The following TUSC3 variants were observed in gnomAD, a reference collection of about 807,000 sequenced individuals.
The protein encoded by TUSC3 is dolichyl-diphosphooligosaccharide--protein glycosyltransferase subunit TUSC3.
TUSC3 carries 45 observed loss-of-function variants against 44.8 expected under a neutral mutation model. That is an observed-to-expected ratio of 1.00 (90% CI 0.79 to 1.29). TUSC3 has a LOEUF of 1.29. Ranked by LOEUF, TUSC3 falls within the 50% of genes most tolerant of loss-of-function variation. TUSC3 has a pLI of 0.00. For missense variants in TUSC3, 519 were observed against 437.9 expected (o/e 1.19, Z -1.65); for synonymous variants, 212 against 152.9 (o/e 1.39, Z -2.85).
chr8:15,486,397 T>C (rs1057228951), intron 2 of TUSC3, among the ~76,000 whole-genome samples: 7 of 152,158 alleles, frequency 4.6e-5, no homozygotes, highest in African/African-American at 1.7e-4. Flanking sequence ...TTTAATATTA[T>C]TTTGGTTTGA....
chr8:15,730,597 A>G, intron 6 of TUSC3, 69 bp from the exon 7 acceptor site: 4 of 1,477,784 alleles, frequency 2.7e-6, no homozygotes, highest in Non-Finnish European at 3.8e-6. Context: ...GTTTATCTTC[A>G]TGACTTAAAA....
rs190560110 is a variant in TUSC3 at position 15,591,845 on chromosome 8, C to T, written c.139-31235C>T. Among the ~76,000 whole-genome samples, 745 of 152,228 alleles carry T rather than the reference C, an allele frequency of 4.9e-3. 10 individuals carry two copies. Among genetic ancestry groups the T allele is most frequent in the African/African-American group, 0.017 (718 of 41,550 alleles). ...CTTCTTAGTAATGTTAAGAAGTTTA[C>T]TTTTTATTTTAAGTGCCAAGAGTAG... is the stretch of plus-strand genomic sequence containing the variant. On this transcript the variant is annotated intron_variant, in intron 1 of 10. Transcript: ENST00000503731.
intron 6 of TUSC3, among the ~76,000 whole-genome samples, chr8:15,706,956 G>A (rs572074560): frequency 6.6e-6 from 1 of 151,988 alleles, no homozygotes; most frequent in South Asian, 2.1e-4. Context: ...TTAGGAAAAT[G>A]CTACTTTTGA....
At chr8:15,610,290 C>T (rs1183681974) in intron 1 of TUSC3, among the ~76,000 whole-genome samples, 1 of 152,076 alleles carries the variant, frequency 6.6e-6, no homozygotes, top group African/African-American at 2.4e-5. Flanking sequence ...CAGTATACTG[C>T]ATGATGTTTT....
chr8:15,841,230 G>C, the TUSC3 span, among the ~76,000 whole-genome samples: 1 of 151,934 alleles, frequency 6.6e-6, no homozygotes, highest in African/African-American at 2.4e-5. Flanking sequence ...TGTATGTCCA[G>C]ATACATAGTT....
the TUSC3 span, chr8:15,806,740 A>C: frequency 3.8e-6 from 3 of 784,316 alleles, no homozygotes; most frequent in Non-Finnish European, 6.6e-6. Flanking sequence ...AGGCTTTCAC[A>C]TGCTAAAGCA....
At chr8:15,432,347 T>A (rs1799882715) in intron 1 of TUSC3, among the ~76,000 whole-genome samples, 1 of 152,180 alleles carries the variant, frequency 6.6e-6, no homozygotes, top group African/African-American at 2.4e-5. Context: ...TCTGTAGCAT[T>A]TATTTTTTGC....
At chr8:15,475,597 AAGT>A (rs1406033603) in intron 1 of TUSC3, among the ~76,000 whole-genome samples, 1 of 152,186 alleles carries the variant, frequency 6.6e-6, no homozygotes, top group East Asian at 1.9e-4. Context: ...GAAAAAGTAT[AAGT>A]AAATCAACTG....
intron 1 of TUSC3, among the ~76,000 whole-genome samples, chr8:15,472,751 C>T (rs918401154): frequency 5.3e-5 from 8 of 152,132 alleles, no homozygotes; most frequent in Non-Finnish European, 1.0e-4. Context: ...CGATAATTTA[C>T]ATTTTACTTG....
chr8:15,734,922 A>C (rs1057140567), intron 7 of TUSC3, among the ~76,000 whole-genome samples: 16 of 152,330 alleles, frequency 1.1e-4, no homozygotes, highest in African/African-American at 3.8e-4. Context: ...TGGATAATGA[A>C]GACCTTGCTG....
intron 1 of TUSC3, among the ~76,000 whole-genome samples, chr8:15,473,930 C>G (rs1025011746): frequency 6.6e-6 from 1 of 152,158 alleles, no homozygotes; most frequent in Non-Finnish European, 1.5e-5. Context: ...CGAGGTTTTT[C>G]TCCAACCTAG....
At chr8:15,539,345 C>CT (rs35685582), upstream of TUSC3, among the ~76,000 whole-genome samples, 2,819 of 69,270 alleles carry the variant, frequency 0.041, 427 homozygotes, top group African/African-American at 0.11. Flanking sequence ...TGCTATGGTT[C>CT]TTTTTTTTTT....
intron 1 of TUSC3, among the ~76,000 whole-genome samples, chr8:15,444,877 G>C (rs1800071716): frequency 2.0e-5 from 3 of 152,128 alleles, no homozygotes; most frequent in Admixed American, 6.6e-5. Flanking sequence ...TTCATCCTGG[G>C]AGAAATGTCA....
At chr8:15,509,483 C>T (rs1801103644) in intron 2 of TUSC3, among the ~76,000 whole-genome samples, 1 of 152,096 alleles carries the variant, frequency 6.6e-6, no homozygotes, top group Non-Finnish European at 1.5e-5. Context: ...TGGCAGGCGC[C>T]TGTAATCCCA....
the TUSC3 span, among the ~76,000 whole-genome samples, chr8:15,793,723 G>C: frequency 2.6e-5 from 4 of 152,082 alleles, no homozygotes; most frequent in Non-Finnish European, 5.9e-5. Flanking sequence ...CTTCTTTTGG[G>C]GTTTTATTAT....
chr8:15,722,841 C>T (rs1585268048), intron 6 of TUSC3, among the ~76,000 whole-genome samples: 1 of 147,030 alleles, frequency 6.8e-6, no homozygotes, highest in Non-Finnish European at 1.5e-5. Context: ...TAAAAAAAAA[C>T]CCTTCTTACT....
Position 15,540,321 on chromosome 8 carries a change from C to A in TUSC3, c.-110C>A. On this transcript the variant is annotated 5_prime_UTR_variant, in exon 1 of 11. Transcript: ENST00000503731. ...GGTCCCTCGCAAAGCCGCTGCCATC[C>A]CGGAGGGCCCAGCCAGCGGGCTCCC... is the stretch of plus-strand genomic sequence containing the variant. 3 of 1,353,636 alleles carry A rather than the reference C, an allele frequency of 2.2e-6. No homozygotes were observed. The highest frequency in any genetic ancestry group is 1.9e-6 in the Non-Finnish European group (2 of 1,051,630). 83.9% of individuals were successfully genotyped at this position (1,353,636 alleles called of 1,614,324 possible).
At chr8:15,780,157 G>C in the TUSC3 span, among the ~76,000 whole-genome samples, 1 of 152,150 alleles carries the variant, frequency 6.6e-6, no homozygotes, top group Admixed American at 6.6e-5. Context: ...ATGTTCATGA[G>C]TCAGTTCCCT....
chr8:15,767,240 A>G (rs970785769), downstream of TUSC3, among the ~76,000 whole-genome samples: 2 of 152,096 alleles, frequency 1.3e-5, no homozygotes, highest in African/African-American at 4.8e-5. Context: ...GCATATATTT[A>G]TATCATATAC....
Sources: gnomAD v4.1 joint callset for allele counts (sites outside exome capture counted in the v4.1 genomes callset) on GRCh38, gnomAD v4.1.1 for gene constraint, MANE v1.5 for transcripts, NCBI Gene and HGNC (gene_info 2026-07-23, HGNC 2026-07-21) for gene names.